ZNF705A: variants seen among roughly 807,000 people sequenced by gnomAD.
The protein encoded by ZNF705A is zinc finger protein 705A.
A neutral mutation model predicts 16.6 loss-of-function variants in ZNF705A; 8 were observed. The ratio of observed to expected loss-of-function variants is 0.48; its 90% CI spans 0.28 to 0.87. The LOEUF (loss-of-function observed/expected upper bound fraction) is 0.87, where lower values mean the gene tolerates loss of function less well. Ranked by LOEUF, ZNF705A falls within the 40% of genes least tolerant of loss-of-function variation. The probability of loss-of-function intolerance (pLI) is 0.10; values close to 1 mark genes in which losing one functional copy is unlikely to be tolerated. For missense variants in ZNF705A, 233 were observed against 359.9 expected, an observed-to-expected ratio of 0.65 and a Z score of 2.85; for synonymous variants, 73 against 117.3, an observed-to-expected ratio of 0.62 and a Z score of 2.44.
At chr12:8,166,420 G>A (rs1948399701) in intron 1 of ZNF705A, among the ~76,000 whole-genome samples, 1 of 152,154 alleles carries the variant, frequency 6.6e-6, no homozygotes, top group African/African-American at 2.4e-5. Flanking sequence ...ACTGAATCAT[G>A]GGGGCAGTTT....
chr12:8,168,271 G>A (rs922862154), upstream of ZNF705A, among the ~76,000 whole-genome samples: 16 of 152,158 alleles, frequency 1.1e-4, no homozygotes, highest in Admixed American at 8.5e-4. Context: ...CATTTTTAGA[G>A]AGGCAATGTG....
At chr12:8,161,823 A>T (rs1291115269) in intron 1 of ZNF705A, among the ~76,000 whole-genome samples, 1 of 152,126 alleles carries the variant, frequency 6.6e-6, no homozygotes, top group African/African-American at 2.4e-5. Context: ...TTCCTATAAA[A>T]AATCCTTGAC....
chr12:8,157,059 C>T (rs773889215), exon 1 of ZNF705A: 1 of 398,042 alleles, frequency 2.5e-6, no homozygotes, highest in East Asian at 3.6e-5. Context: ...AGGGGTTTTT[C>T]CTGATCTACT....
chr12:8,178,772 A>T (rs1464292645), exon 5 of ZNF705A: 1 of 152,256 alleles, frequency 6.6e-6, no homozygotes, highest in African/African-American at 2.4e-5. Flanking sequence ...AAAACTTAGT[A>T]TGTTGGCGAA....
chr12:8,158,703 A>C (rs755463940), intron 1 of ZNF705A, among the ~76,000 whole-genome samples: 1 of 152,122 alleles, frequency 6.6e-6, no homozygotes, highest in Non-Finnish European at 1.5e-5. Context: ...GTATCTTTAT[A>C]AATATGCCAA....
chr12:8,165,355 T>C (rs1948389839), intron 1 of ZNF705A, among the ~76,000 whole-genome samples: 2 of 144,390 alleles, frequency 1.4e-5, no homozygotes, highest in Admixed American at 1.4e-4. Flanking sequence ...TGATCTCGGC[T>C]CACTGCAAGC....
At chr12:8,174,266 C>A in intron 1 of ZNF705A, 60 bp from the exon 3 acceptor site, 1 of 1,596,064 alleles carries the variant, frequency 6.3e-7, no homozygotes, top group South Asian at 1.1e-5. Context: ...TCTCAGCCTT[C>A]CTCTTCCGGA....
chr12:8,172,300 A>G (rs1165953225), upstream of ZNF705A, among the ~76,000 whole-genome samples: 6 of 151,510 alleles, frequency 4.0e-5, no homozygotes, highest in Non-Finnish European at 7.4e-5. Context: ...GACTTGTGCC[A>G]ATTAACATAC....
At chr12:8,167,608 C>T (rs1948410264), upstream of ZNF705A, among the ~76,000 whole-genome samples, 1 of 152,212 alleles carries the variant, frequency 6.6e-6, no homozygotes, top group African/African-American at 2.4e-5. Flanking sequence ...GATAAGTTCA[C>T]TGCATCCTCC....
intron 1 of ZNF705A, among the ~76,000 whole-genome samples, chr12:8,173,066 C>T (rs540053913): frequency 1.5e-3 from 226 of 152,252 alleles, no homozygotes; most frequent in Non-Finnish European, 2.8e-3. Context: ...TGAATGCAAG[C>T]GATAGAGATG....
At chr12:8,163,005 G>A in intron 1 of ZNF705A, among the ~76,000 whole-genome samples, 1 of 152,188 alleles carries the variant, frequency 6.6e-6, no homozygotes, top group Non-Finnish European at 1.5e-5. Flanking sequence ...CAGAACTGAG[G>A]AGGGAGTTGA....
chr12:8,177,021 A>G (rs1158291671), exon 5 of ZNF705A: 2 of 1,610,784 alleles, frequency 1.2e-6, no homozygotes, highest in African/African-American at 2.7e-5. Context: ...ATTCTGGAGG[A>G]TCCTTTTGAA....
exon 5 of ZNF705A, chr12:8,177,591 G>A: frequency 7.1e-7 from 1 of 1,410,808 alleles, no homozygotes; most frequent in Non-Finnish European, 1.0e-6. Context: ...TGACATGAGA[G>A]AACATGCACT....
chr12:8,168,797 T>C (rs937314953), upstream of ZNF705A: 7 of 152,240 alleles, frequency 4.6e-5, no homozygotes, highest in Non-Finnish European at 1.0e-4. Flanking sequence ...GTGTGGTTTA[T>C]AGTTAAATTA....
chr12:8,162,320 C>A (rs746994525), intron 1 of ZNF705A, among the ~76,000 whole-genome samples: 3 of 152,284 alleles, frequency 2.0e-5, no homozygotes, highest in South Asian at 4.1e-4. Flanking sequence ...CTTAAAATTT[C>A]TGCAAAACCA....
upstream of ZNF705A, among the ~76,000 whole-genome samples, chr12:8,167,806 A>G (rs1321865831): frequency 6.6e-6 from 1 of 152,218 alleles, no homozygotes; most frequent in African/African-American, 2.4e-5. Flanking sequence ...GCGGAAAAAG[A>G]GACTGAGCGC....
intron 2 of ZNF705A, among the ~76,000 whole-genome samples, chr12:8,174,996 A>G (rs1241964869): frequency 1.3e-5 from 2 of 152,180 alleles, no homozygotes; most frequent in Non-Finnish European, 2.9e-5. Flanking sequence ...CTCAGCATTC[A>G]TAGGTCCTGA....
intron 1 of ZNF705A, among the ~76,000 whole-genome samples, chr12:8,164,450 C>T (rs374610437): frequency 3.9e-5 from 6 of 152,188 alleles, no homozygotes; most frequent in South Asian, 2.1e-4. Flanking sequence ...TATTCCATTG[C>T]GTATATGTAT....
rs142076312 is a variant in ZNF705A at position 8,166,230 on chromosome 12, A to T, written c.-71-6325A>T. On this transcript the variant is annotated intron_variant, in intron 1 of 5. Coordinates refer to the ZNF705A transcript ENST00000396570. ...TTTTCCATCTGCATTGCTGTAGTAG[A>T]CATTCGCCATGAAGTCTCCACCCCA... is the stretch of plus-strand genomic sequence containing the variant. 2.0e-5 allele frequency among the ~76,000 whole-genome samples: 3 copies of T among 152,316 alleles called. No homozygotes were observed. In the East Asian group the frequency reaches 5.8e-4, roughly 29 times the overall value.
Sources: allele counts gnomAD v4.1 joint callset (sites outside exome capture counted in the v4.1 genomes callset), GRCh38; gene constraint gnomAD v4.1.1; transcripts MANE v1.5; gene names NCBI Gene and HGNC (gene_info 2026-07-23, HGNC 2026-07-21).